Variants in SOX6 observed in about 807,000 individuals in gnomAD.
The protein encoded by SOX6 is transcription factor SOX-6.
A neutral mutation model predicts 97.8 loss-of-function variants in SOX6; 11 were observed. The observed-to-expected ratio is 0.11, with a 90% CI of 0.07 to 0.19. SOX6 has a LOEUF of 0.19. SOX6 is among the 10% of genes least tolerant of loss of function. SOX6 has a pLI of 1.00. For missense variants in SOX6, 810 were observed against 1,039.5 expected (o/e 0.78, Z 3.04); for synonymous variants, 360 against 371.4 (o/e 0.97, Z 0.35).
chr11:16,736,171 T>C (rs1032914378), intron 2 of SOX6, among the ~76,000 whole-genome samples: 12 of 152,150 alleles, frequency 7.9e-5, no homozygotes, highest in African/African-American at 2.4e-4. Flanking sequence ...GTGGCAGGCA[T>C]TGCGCCAGAA....
intron 6 of SOX6, among the ~76,000 whole-genome samples, chr11:16,160,546 G>C (rs1178799044): frequency 6.6e-6 from 1 of 152,140 alleles, no homozygotes; most frequent in Non-Finnish European, 1.5e-5. Context: ...TTACTTTACG[G>C]GGTGGAGGCT....
At chr11:15,995,122 C>A (rs534638976) in intron 13 of SOX6, among the ~76,000 whole-genome samples, 4 of 152,070 alleles carry the variant, frequency 2.6e-5, no homozygotes, top group Non-Finnish European at 5.9e-5. Context: ...TTGGAAGACT[C>A]AAATGAACCC....
At chr11:16,409,458 A>G (rs966674497) in intron 1 of SOX6, among the ~76,000 whole-genome samples, 1 of 152,174 alleles carries the variant, frequency 6.6e-6, no homozygotes, top group Non-Finnish European at 1.5e-5. Flanking sequence ...CCACACTAAG[A>G]TATATATGAC....
chr11:16,687,036 A>G (rs1847974797), intron 3 of SOX6, among the ~76,000 whole-genome samples: 1 of 152,206 alleles, frequency 6.6e-6, no homozygotes, highest in Admixed American at 6.5e-5. Context: ...GAGGCACAAG[A>G]ATCACTTGAA....
chr11:16,001,438 G>A (rs1854405898), intron 13 of SOX6, among the ~76,000 whole-genome samples: 1 of 152,166 alleles, frequency 6.6e-6, no homozygotes, highest in Non-Finnish European at 1.5e-5. Flanking sequence ...ACCTTCCTCT[G>A]ATTAACCAGT....
intron 1 of SOX6, among the ~76,000 whole-genome samples, chr11:16,412,781 T>G (rs1858848053): frequency 6.6e-6 from 1 of 152,178 alleles, no homozygotes; most frequent in Admixed American, 6.5e-5. Flanking sequence ...GTGGCAAAGA[T>G]GACTATCAGA....
At chr11:16,101,455 A>G (rs1848945256) in intron 7 of SOX6, among the ~76,000 whole-genome samples, 1 of 151,676 alleles carries the variant, frequency 6.6e-6, no homozygotes, top group Non-Finnish European at 1.5e-5. Flanking sequence ...AATGATGAAA[A>G]GAGTCTTGAC....
intron 6 of SOX6, among the ~76,000 whole-genome samples, chr11:16,159,868 G>A (rs1327427554): frequency 6.6e-6 from 1 of 152,082 alleles, no homozygotes; most frequent in Non-Finnish European, 1.5e-5. Flanking sequence ...ATGTAAAGTG[G>A]CAGAATTTGG....
intron 6 of SOX6, among the ~76,000 whole-genome samples, chr11:16,127,091 C>T (rs1323292201): frequency 6.6e-6 from 1 of 151,934 alleles, no homozygotes. Flanking sequence ...TATTTGATTT[C>T]TTTATTTCAC....
chr11:16,233,843 C>A (rs975326889), intron 4 of SOX6, among the ~76,000 whole-genome samples: 15 of 151,806 alleles, frequency 9.9e-5, no homozygotes, highest in Admixed American at 2.6e-4. Context: ...CCCCTCTCCA[C>A]TAAAAATACA....
chr11:16,429,910 C>A (rs950776083), intron 1 of SOX6, among the ~76,000 whole-genome samples: 1 of 152,170 alleles, frequency 6.6e-6, no homozygotes, highest in African/African-American at 2.4e-5. Context: ...AATAAACAAA[C>A]AAGCTCTGCT....
chr11:16,355,767 C>T (rs61141030), intron 1 of SOX6, among the ~76,000 whole-genome samples: 1,738 of 151,850 alleles, frequency 0.011, 33 homozygotes, highest in African/African-American at 0.04. Context: ...TCTATGATTC[C>T]TCATAGATAA....
At chr11:16,464,050 T>C (rs1270042832) in intron 1 of SOX6, among the ~76,000 whole-genome samples, 3 of 152,188 alleles carry the variant, frequency 2.0e-5, no homozygotes. Flanking sequence ...ACAGGATATC[T>C]CACTGTAAGA....
intron 12 of SOX6, among the ~76,000 whole-genome samples, chr11:16,017,077 A>G (rs968235177): frequency 1.3e-5 from 2 of 152,084 alleles, no homozygotes; most frequent in African/African-American, 4.8e-5. Context: ...AGGGAAAATT[A>G]CATGCCATGG....
intron 3 of SOX6, among the ~76,000 whole-genome samples, chr11:16,656,977 A>G (rs1847724853): frequency 6.6e-6 from 1 of 152,208 alleles, no homozygotes; most frequent in Non-Finnish European, 1.5e-5. Flanking sequence ...TATAAACCAA[A>G]GTCCATAGTT....
intron 4 of SOX6, among the ~76,000 whole-genome samples, chr11:16,224,918 A>G (rs1852641960): frequency 6.6e-6 from 1 of 152,046 alleles, no homozygotes; most frequent in Admixed American, 6.6e-5. Flanking sequence ...AAAAGTAAGA[A>G]GTTGGATTAC....
intron 1 of SOX6, among the ~76,000 whole-genome samples, chr11:16,423,667 A>G (rs1859064716): frequency 6.6e-6 from 1 of 152,174 alleles, no homozygotes; most frequent in African/African-American, 2.4e-5. Flanking sequence ...AGAAATGGTA[A>G]ACTTGCTGAA....
chr11:16,077,389 A>G (rs1164635085), intron 9 of SOX6, among the ~76,000 whole-genome samples: 2 of 152,234 alleles, frequency 1.3e-5, no homozygotes, highest in African/African-American at 4.8e-5. Flanking sequence ...GCCATTGTGG[A>G]AAGCAGTGTG....
chr11:16,209,661 A>G (rs549657990), intron 4 of SOX6, among the ~76,000 whole-genome samples: 1 of 152,224 alleles, frequency 6.6e-6, no homozygotes, highest in East Asian at 1.9e-4. Flanking sequence ...GCCAAGACAC[A>G]AGAATCGTTT....
Sources: gnomAD v4.1 joint callset for allele counts (sites outside exome capture counted in the v4.1 genomes callset) on GRCh38, gnomAD v4.1.1 for gene constraint, MANE v1.5 for transcripts, NCBI Gene and HGNC (gene_info 2026-07-23, HGNC 2026-07-21) for gene names.